Variants in PKHD1 observed in about 807,000 individuals in gnomAD.
The protein encoded by PKHD1 is PKHD1 ciliary IPT domain containing fibrocystin/polyductin, also known as fibrocystin.
Under a neutral mutation model 412.0 loss-of-function variants are expected in PKHD1, and 291 were observed. The observed-to-expected ratio is 0.71, with a 90% CI of 0.64 to 0.78. PKHD1 has a LOEUF of 0.78. PKHD1 is among the 30% of genes least tolerant of loss of function. PKHD1 has a pLI of 0.00. For synonymous variants in PKHD1, 1,777 were observed against 1,821.5 expected, an observed-to-expected ratio of 0.98 and a Z score of 0.62; for missense variants, 4,825 against 4,950.7, an observed-to-expected ratio of 0.97 and a Z score of 0.76.
intron 62 of PKHD1, among the ~76,000 whole-genome samples, chr6:51,648,520 C>T (rs113089519): frequency 5.3e-5 from 8 of 152,268 alleles, no homozygotes; most frequent in African/African-American, 1.9e-4. Flanking sequence ...TTTCTCTCTG[C>T]AAACATGTCA....
chr6:51,937,286 T>C lies in PKHD1; in HGVS notation c.5909-2964A>G, dbSNP rs535575304. The stretch of plus-strand genomic sequence containing the variant: ...AAACCAATGTACATCTTATATGTAT[T>C]GATTGATGTCTTACCTCTCCCTAAA... On this transcript the variant is annotated intron_variant, in intron 36 of 66. Transcript: ENST00000371117. Among the ~76,000 whole-genome samples the C allele has an allele frequency of 7.2e-5, 11 of 152,356 alleles. No individual in the cohort carries two copies. In the South Asian group the frequency reaches 2.3e-3, roughly 32 times the overall value.
At chr6:51,890,265 G>A (rs1778898322) in intron 43 of PKHD1, among the ~76,000 whole-genome samples, 1 of 152,112 alleles carries the variant, frequency 6.6e-6, no homozygotes, top group Admixed American at 6.6e-5. Context: ...GGAAAAGTTA[G>A]AGACTAGAGT....
chr6:51,739,018 T>G (rs1166720586), intron 60 of PKHD1, among the ~76,000 whole-genome samples: 2 of 150,198 alleles, frequency 1.3e-5, no homozygotes, highest in Non-Finnish European at 3.0e-5. Flanking sequence ...TGTGTGTGTG[T>G]GTGTATGTAC....
chr6:51,680,873 G>A (rs1776560331), intron 60 of PKHD1, among the ~76,000 whole-genome samples: 1 of 152,000 alleles, frequency 6.6e-6, no homozygotes, highest in Non-Finnish European at 1.5e-5. Context: ...AAACTTGAAA[G>A]GGTGTTAACT....
intron 52 of PKHD1, among the ~76,000 whole-genome samples, chr6:51,809,560 T>A (rs1764366047): frequency 6.6e-6 from 1 of 152,098 alleles, no homozygotes; most frequent in Non-Finnish European, 1.5e-5. Flanking sequence ...TTTTTTTTAA[T>A]CTAAATGCAA....
chr6:51,838,897 T>C (rs148796161), intron 50 of PKHD1, among the ~76,000 whole-genome samples: 1 of 152,330 alleles, frequency 6.6e-6, no homozygotes, highest in African/African-American at 2.4e-5. Context: ...AAAGAAAAGA[T>C]AGAATAGTCC....
chr6:51,721,898 C>T, intron 60 of PKHD1: 1 of 1,604,404 alleles, frequency 6.2e-7, no homozygotes, highest in Non-Finnish European at 8.5e-7. Context: ...CAAGTCTTTC[C>T]ATTTGGTCCA....
intron 45 of PKHD1, among the ~76,000 whole-genome samples, chr6:51,884,784 T>G (rs1777941149): frequency 6.6e-6 from 1 of 152,168 alleles, no homozygotes; most frequent in South Asian, 2.1e-4. Flanking sequence ...GAGACAGAGT[T>G]TAAGCCCCTG....
chr6:51,759,670 T>C (rs545696700), intron 55 of PKHD1, among the ~76,000 whole-genome samples: 39 of 152,236 alleles, frequency 2.6e-4, no homozygotes, highest in Non-Finnish European at 4.6e-4. Context: ...AGAGCCCCGA[T>C]TGCCACAATA....
At chr6:51,987,222 G>A (rs1426871010) in intron 35 of PKHD1, among the ~76,000 whole-genome samples, 2 of 152,160 alleles carry the variant, frequency 1.3e-5, no homozygotes, top group Non-Finnish European at 2.9e-5. Flanking sequence ...TAAATAAATT[G>A]ATCTGGATTT....
intron 52 of PKHD1, among the ~76,000 whole-genome samples, chr6:51,796,554 G>A (rs565965503): frequency 6.6e-6 from 1 of 151,202 alleles, no homozygotes. Flanking sequence ...AGGTTTGTTT[G>A]CTCTAGGTTC....
rs765798678 is a variant in PKHD1 at position 51,728,009 on chromosome 6, T to A, written c.10156+16376A>T. The stretch of plus-strand genomic sequence containing the variant: ...ATACAGCCTCAGTATGTGCTGTGAA[T>A]CTCAATTCCTTTTCCTTCTCCATAC... On this transcript the variant is annotated intron_variant, in intron 60 of 66. Transcript: ENST00000371117. 2.8e-3 allele frequency among the ~76,000 whole-genome samples: 429 copies of A among 152,318 alleles called. 1 individual carries two copies. Among genetic ancestry groups the A allele is most frequent in the Non-Finnish European group, 4.5e-3 (307 of 68,028 alleles).
chr6:51,852,406 G>A (rs140595601), intron 49 of PKHD1, among the ~76,000 whole-genome samples: 11 of 152,266 alleles, frequency 7.2e-5, no homozygotes, highest in Non-Finnish European at 1.2e-4. Context: ...TTCTGCAGAC[G>A]TCTACTAGGT....
At chr6:51,829,635 T>G (rs1188613807) in intron 52 of PKHD1, among the ~76,000 whole-genome samples, 1 of 152,162 alleles carries the variant, frequency 6.6e-6, no homozygotes, top group East Asian at 1.9e-4. Flanking sequence ...AATTGACGTT[T>G]GTACTGGTCA....
At chr6:51,840,222 T>G (rs1390111838) in intron 50 of PKHD1, among the ~76,000 whole-genome samples, 1 of 152,112 alleles carries the variant, frequency 6.6e-6, no homozygotes, top group Admixed American at 6.5e-5. Context: ...CAGCTAAAGC[T>G]TGATTTACAG....
chr6:51,735,425 C>T (rs999472685), intron 60 of PKHD1, among the ~76,000 whole-genome samples: 1 of 152,076 alleles, frequency 6.6e-6, no homozygotes, highest in East Asian at 1.9e-4. Context: ...ACATGGAATG[C>T]ACTAGATAAT....
At chr6:51,850,931 T>C (rs189496222) in intron 49 of PKHD1, among the ~76,000 whole-genome samples, 21 of 152,328 alleles carry the variant, frequency 1.4e-4, no homozygotes, top group African/African-American at 4.6e-4. Context: ...TCCAATACTA[T>C]GTTGAATAAG....
At chr6:52,063,776 G>C (rs1809066018) in intron 13 of PKHD1, among the ~76,000 whole-genome samples, 1 of 152,122 alleles carries the variant, frequency 6.6e-6, no homozygotes. Flanking sequence ...CGTGTCCCCC[G>C]AGGGGCAACA....
At chr6:51,685,801 A>C (rs1777349531) in intron 60 of PKHD1, among the ~76,000 whole-genome samples, 1 of 152,140 alleles carries the variant, frequency 6.6e-6, no homozygotes, top group African/African-American at 2.4e-5. Flanking sequence ...AGGCCATGTA[A>C]GGACTTGGTA....
Sources: gnomAD v4.1 joint callset for allele counts (sites outside exome capture counted in the v4.1 genomes callset) on GRCh38, gnomAD v4.1.1 for gene constraint, MANE v1.5 for transcripts, NCBI Gene and HGNC (gene_info 2026-07-23, HGNC 2026-07-21) for gene names.